The following SOX10 variants were observed in gnomAD, a reference collection of about 807,000 sequenced individuals.
SOX10 encodes SRY-box transcription factor 10, also known as transcription factor SOX-10.
SOX10 carries 3 observed loss-of-function variants against 35.0 expected under a neutral mutation model. The observed-to-expected ratio is 0.09, with a 90% CI of 0.04 to 0.22. The LOEUF is 0.22. Ranked by LOEUF, SOX10 falls within the 10% of genes least tolerant of loss-of-function variation. The probability of loss-of-function intolerance (pLI) is 1.00; values close to 1 mark genes in which losing one functional copy is unlikely to be tolerated. For missense variants in SOX10, 436 were observed against 655.1 expected, an observed-to-expected ratio of 0.67 and a Z score of 3.65; for synonymous variants, 285 against 291.0, an observed-to-expected ratio of 0.98 and a Z score of 0.21.
Position 37,973,615 on chromosome 22 carries a change from A to G in SOX10, c.1281T>C (p.Tyr427=). 2.5e-6 allele frequency: 4 copies of G among 1,613,566 alleles called. No homozygotes were observed. The highest frequency in any genetic ancestry group is 3.4e-6 in the Non-Finnish European group (4 of 1,179,782). The change falls in exon 4 of 4, where the codon TAT becomes TAC. Residue 427 remains tyrosine (Y), a synonymous_variant. Transcript: ENST00000396884. ...QASGLYSAFS[Y]MGPSQRPLYT... is the part of the protein sequence containing the mutation. ...AGAGGGGCCGCTGCGAGGGCCCCATATAGGAGAAGGCCGAGTAGAGGCCAG... is the reference window on the plus strand; with the variant it reads ...AGAGGGGCCGCTGCGAGGGCCCCATGTAGGAGAAGGCCGAGTAGAGGCCAG...
In SOX10 at chr22:37,980,201, C is replaced by T. The variant is rs898466645; in HGVS notation, c.429-2066G>A. Reference sequence around the variant, plus strand: ...AGTGGGATGTGGGCACCCTCTCTGACGGCTGGGACCAGGGGAGGGGGTGGA... The same window carrying T: ...AGTGGGATGTGGGCACCCTCTCTGATGGCTGGGACCAGGGGAGGGGGTGGA... On this transcript the variant is annotated intron_variant, in intron 2 of 3. Coordinates refer to ENST00000396884, the MANE Select transcript of SOX10 (RefSeq NM_006941.4). This position sits in a 1 kb window ranked among gnomAD's most constrained non-coding sequence, Gnocchi z 4.1. Among the ~76,000 whole-genome samples the T allele has an allele frequency of 3.3e-5, 5 of 152,198 alleles. No homozygotes were observed. The highest frequency in any genetic ancestry group is 2.1e-4 in the South Asian group (1 of 4,818).
In SOX10 at chr22:37,973,387, C is replaced by G. The variant is rs1484013731; in HGVS notation, c.*108G>C. 2 of 748,962 alleles carry G rather than the reference C, an allele frequency of 2.7e-6. No individual in the cohort carries two copies. The highest frequency in any genetic ancestry group is 4.2e-6 in the Non-Finnish European group (2 of 471,830). The allele number at this position is 748,962 out of a possible 1,614,324, so 46.4% of individuals were successfully genotyped here. ...CCCCCCGACCTGTCAGCCTCTTCAGCCTCCTCAGCCTCCTCCACTGCCACC... is the reference window on the plus strand; with the variant it reads ...CCCCCCGACCTGTCAGCCTCTTCAGGCTCCTCAGCCTCCTCCACTGCCACC... On this transcript the variant is annotated 3_prime_UTR_variant, in exon 4 of 4. Transcript: ENST00000396884.
Position 37,972,885 on chromosome 22 carries a change from C to CTTCAG in SOX10, c.*609_*610insCTGAA, listed in dbSNP as rs1341552129. On this transcript the variant is annotated 3_prime_UTR_variant, in exon 4 of 4. Transcript: ENST00000396884. ...GAATTGGATCAGGGGGCCTCTGTGC[C>CTTCAG]AACTCCTTCCTGCCTTCAGAAAGGG... 6.5e-6 allele frequency: 1 copy of CTTCAG among 153,164 alleles called. No homozygotes were observed. The highest frequency in any genetic ancestry group is 1.5e-5 in the Non-Finnish European group (1 of 68,784). The allele number at this position is 153,164 out of a possible 1,614,324, so 9.5% of individuals were successfully genotyped here.
chr22:37,975,163 A>G (rs556535372), intron 3 of SOX10, among the ~76,000 whole-genome samples: 1 of 152,240 alleles, frequency 6.6e-6, no homozygotes, highest in Non-Finnish European at 1.5e-5. Flanking sequence ...CTTAGGGAGC[A>G]TTACAAAATG....
In SOX10 at chr22:37,983,816, G is replaced by T. The variant is rs767144230; in HGVS notation, c.-32C>A. 2 of 1,403,514 alleles carry T rather than the reference G, an allele frequency of 1.4e-6. No homozygotes were observed. The highest frequency in any genetic ancestry group is 1.3e-5 in the South Asian group (1 of 74,136). The allele number at this position is 1,403,514 out of a possible 1,614,324, so 86.9% of individuals were successfully genotyped here. On this transcript the variant is annotated 5_prime_UTR_variant, in exon 2 of 4. Coordinates refer to ENST00000396884, the MANE Select transcript of SOX10 (RefSeq NM_006941.4). The surrounding 1 kb of genome is among the most constrained non-coding windows in gnomAD (Gnocchi z 9.5). ...CCCGGCCGCCGCCGCCGCCGCCTCG[G>T]CCGCCTCCCCCGGGCCAGCCGCCGG...
At chr22:37,976,622 C>T (rs1212146207) in intron 3 of SOX10, among the ~76,000 whole-genome samples, 1 of 152,142 alleles carries the variant, frequency 6.6e-6, no homozygotes, top group African/African-American at 2.4e-5. Flanking sequence ...AAGCAGATGC[C>T]CGGGAGCCAA....
rs1489956199 is a variant in SOX10 at position 37,983,700 on chromosome 22, G to T, written c.85C>A (p.Pro29Thr). Residue 29 changes from proline (P) to threonine (T), a missense_variant, in exon 2 of 4, where the codon CCC (proline) becomes ACC (threonine). By Grantham distance (38) the Pro-to-Thr change is conservative. Transcript: ENST00000396884. The surrounding 1 kb of genome is among the most constrained non-coding windows in gnomAD (Gnocchi z 9.5). ...CCGCCGCCGTCGGGCCCTAGCGAGG[G>T]CGCGCTCCCCGGGGACAGGCAGCGG... ...EPRCLSPGSA[P>T]SLGPDGGGGG... is the part of the protein sequence containing the mutation. 1 of 1,519,424 alleles carries T rather than the reference G, an allele frequency of 6.6e-7. No individual in the cohort carries two copies. The highest frequency in any genetic ancestry group is 2.1e-5 in the Admixed American group (1 of 46,706). The allele number at this position is 1,519,424 out of a possible 1,614,324, so 94.1% of individuals were successfully genotyped here.
chr22:37,977,170 G>GAA (rs796380875), intron 3 of SOX10, among the ~76,000 whole-genome samples: 2 of 116,640 alleles, frequency 1.7e-5, no homozygotes, highest in Non-Finnish European at 1.8e-5. Context: ...TCTGTCTCCA[G>GAA]AAAAAAAAAA....
rs773716377 is a variant in SOX10, at chr22:37,978,482, A to G, written c.429-347T>C. On this transcript the variant is annotated intron_variant, in intron 2 of 3. Coordinates refer to ENST00000396884, the MANE Select transcript of SOX10 (RefSeq NM_006941.4). This position sits in a 1 kb window ranked among gnomAD's most constrained non-coding sequence, Gnocchi z 5.0. The stretch of plus-strand genomic sequence containing the variant: ...GTTCAAGGAAAGGAAAAACTTTCTC[A>G]TCATCAAAGCTGTCTGCAAGTGGAA... 3.3e-5 allele frequency among the ~76,000 whole-genome samples: 5 copies of G among 152,206 alleles called. No homozygotes were observed. Among genetic ancestry groups the G allele is most frequent in the Admixed American group, 1.3e-4 (2 of 15,284 alleles).
Position 37,972,504 on chromosome 22 carries a change from C to T in SOX10, c.*991G>A. 1 of 312,926 alleles carries T rather than the reference C, an allele frequency of 3.2e-6. No individual in the cohort carries two copies. Among genetic ancestry groups the T allele is most frequent in the South Asian group, 2.6e-5 (1 of 38,154 alleles). The allele number at this position is 312,926 out of a possible 1,614,324, so 19.4% of individuals were successfully genotyped here. ...ACTTTATTCAAATACCACTGGGAGG[C>T]AAGGGGTAAGAGGCAAGGGCAGAAT... On this transcript the variant is annotated 3_prime_UTR_variant, in exon 4 of 4. Transcript: ENST00000396884.
intron 3 of SOX10, 70 bp downstream of exon 3, chr22:37,977,797 T>C: frequency 6.6e-7 from 1 of 1,512,972 alleles, no homozygotes. Flanking sequence ...AGGGTCTCAT[T>C]GCCATCCAGC....
chr22:37,980,696 A>G lies in SOX10; in HGVS notation c.429-2561T>C, dbSNP rs148483746. On this transcript the variant is annotated intron_variant, in intron 2 of 3. Transcript: ENST00000396884. The surrounding 1 kb of genome is among the most constrained non-coding windows in gnomAD (Gnocchi z 4.1). ...AGCTCTAACTCCAAACCCAGTCCTC[A>G]TCTGCACCTTCCTGTCAGCCCTCTT... is the stretch of plus-strand genomic sequence containing the variant. Among the ~76,000 whole-genome samples the G allele has an allele frequency of 1.3e-5, 2 of 152,250 alleles. No homozygotes were observed. The highest frequency in any genetic ancestry group is 4.8e-5 in the African/African-American group (2 of 41,550).
intron 3 of SOX10, among the ~76,000 whole-genome samples, chr22:37,976,182 C>T (rs1932213898): frequency 6.6e-6 from 1 of 152,144 alleles, no homozygotes; most frequent in African/African-American, 2.4e-5. Flanking sequence ...AAGATGGCAC[C>T]GCTGCACTGC....
At chr22:37,982,293 T>G (rs549011511) in intron 2 of SOX10, among the ~76,000 whole-genome samples, 2 of 152,284 alleles carry the variant, frequency 1.3e-5, no homozygotes, top group East Asian at 3.9e-4. Context: ...TTTGCCTTTC[T>G]GGGCCTGTCT....
chr22:37,973,306 C>T lies in SOX10; in HGVS notation c.*189G>A. Reference sequence around the variant, plus strand: ...TCCAGCCTGTTCTCCTGGGGCTTTGCTGCTGGAGCCTGGATGGGGCGGGTG... The same window carrying T: ...TCCAGCCTGTTCTCCTGGGGCTTTGTTGCTGGAGCCTGGATGGGGCGGGTG... On this transcript the variant is annotated 3_prime_UTR_variant, in exon 4 of 4. Transcript: ENST00000396884. 1 of 568,796 alleles carries T rather than the reference C, an allele frequency of 1.8e-6. No homozygotes were observed. Among genetic ancestry groups the T allele is most frequent in the Non-Finnish European group, 3.1e-6 (1 of 319,832 alleles). The allele number at this position is 568,796 out of a possible 1,614,324, so 35.2% of individuals were successfully genotyped here. A position where few individuals can be genotyped will look rare whatever the true frequency, so the allele number is the denominator to read the frequency against.
intron 3 of SOX10, among the ~76,000 whole-genome samples, chr22:37,976,827 T>C (rs983851927): frequency 7.9e-5 from 12 of 152,108 alleles, no homozygotes; most frequent in Non-Finnish European, 1.3e-4. Flanking sequence ...TTATTATCAT[T>C]AATGAAAATT....
rs1451783231 is a variant in SOX10 at position 37,974,561 on chromosome 22, C to T, written c.698-363G>A. ...AGAGACGGGGTTTCACCATGTTGGCCAGGGTTGTCTTGAACTCCTGACCTC... is the reference window on the plus strand; with the variant it reads ...AGAGACGGGGTTTCACCATGTTGGCTAGGGTTGTCTTGAACTCCTGACCTC... On this transcript the variant is annotated intron_variant, in intron 3 of 3. Coordinates refer to ENST00000396884, the MANE Select transcript of SOX10 (RefSeq NM_006941.4). The surrounding 1 kb of genome is among the most constrained non-coding windows in gnomAD (Gnocchi z 5.4). 6.6e-6 allele frequency among the ~76,000 whole-genome samples: 1 copy of T among 152,026 alleles called. No individual in the cohort carries two copies. Among genetic ancestry groups the T allele is most frequent in the Non-Finnish European group, 1.5e-5 (1 of 68,002 alleles).
chr22:37,973,948 G>T lies in SOX10; in HGVS notation c.948C>A (p.Ala316=), dbSNP rs754568838. The T allele has an allele frequency of 6.2e-7, 1 of 1,610,938 alleles. No individual in the cohort carries two copies. The change falls in exon 4 of 4, where the codon GCC becomes GCA. Residue 316 remains alanine (A), a synonymous_variant. Transcript: ENST00000396884. The part of the protein sequence containing the change: ...HPGHVSSYSA[A]GYGLGSALAV... ...CCAGGGCACTGCCCAGCCCATAGCC[G>T]GCTGCTGAGTAGCTGCTCACATGGC...
In SOX10 at chr22:37,978,778, C is replaced by T. The variant is rs961701146; in HGVS notation, c.429-643G>A. Among the ~76,000 whole-genome samples the T allele has an allele frequency of 1.1e-3, 164 of 151,918 alleles. 3 individuals are homozygous for T. Among genetic ancestry groups the T allele is most frequent in the Non-Finnish European group, 3.5e-4 (24 of 67,980 alleles). Reference sequence around the variant, plus strand: ...CCTTGAGGAAGAGGTGCTTTTCTTTCTTTCTTTTTTTTTTCTGTGAGGGAA... The same window carrying T: ...CCTTGAGGAAGAGGTGCTTTTCTTTTTTTCTTTTTTTTTTCTGTGAGGGAA... On this transcript the variant is annotated intron_variant, in intron 2 of 3. Coordinates refer to ENST00000396884, the MANE Select transcript of SOX10 (RefSeq NM_006941.4). This position sits in a 1 kb window ranked among gnomAD's most constrained non-coding sequence, Gnocchi z 5.0.
Sources: gnomAD v4.1 joint callset for allele counts (sites outside exome capture counted in the v4.1 genomes callset) on GRCh38, gnomAD v4.1.1 for gene constraint, Gnocchi (gnomAD v3.1) non-coding constraint, MANE v1.5 for transcripts, NCBI Gene and HGNC (gene_info 2026-07-23, HGNC 2026-07-21) for gene names.